NCAM2: variants seen among roughly 807,000 people sequenced by gnomAD.
NCAM2 encodes N-CAM-2.
Under a neutral mutation model 98.1 loss-of-function variants are expected in NCAM2, and 30 were observed. The ratio of observed to expected loss-of-function variants is 0.31; its 90% CI spans 0.23 to 0.41. NCAM2 has a LOEUF of 0.41. Among genes scored for constraint, NCAM2 ranks in the 10% least tolerant of loss-of-function variants. NCAM2 has a pLI of 1.00. For synonymous variants in NCAM2, 368 were observed against 342.4 expected (o/e 1.07, Z -0.83); for missense variants, 867 against 1,005.8 (o/e 0.86, Z 1.87).
At chr21:21,017,441 A>AAAAG (rs1298331107) in intron 1 of NCAM2, among the ~76,000 whole-genome samples, 3 of 150,444 alleles carry the variant, frequency 2.0e-5, no homozygotes, top group African/African-American at 7.3e-5. Flanking sequence ...AAAAAAAAAA[A>AAAAG]AAAAAAAGAA....
chr21:21,305,720 T>A lies in NCAM2; in HGVS notation c.619+13479T>A, dbSNP rs1457739328. ...CTTTTGGTTTTTCTTGATTTTATAT[T>A]TGTTTTTCCTTTTCCTATTTTATCA... On this transcript the variant is annotated intron_variant, in intron 5 of 17. Coordinates refer to ENST00000400546, the MANE Select transcript of NCAM2 (RefSeq NM_004540.5). Among the ~76,000 whole-genome samples the A allele has an allele frequency of 2.0e-5, 3 of 152,116 alleles. No homozygotes were observed. The East Asian group carries it at 5.8e-4, about 29-fold the overall frequency.
intron 5 of NCAM2, among the ~76,000 whole-genome samples, chr21:21,312,750 A>T (rs958241465): frequency 4.0e-5 from 6 of 151,866 alleles, no homozygotes; most frequent in African/African-American, 1.4e-4. Flanking sequence ...GTTGAAAAAC[A>T]TTCCCTCCTC....
At position 21,069,731 on chromosome 21, in the gene NCAM2, A is replaced by T. The variant is rs907931809; in HGVS notation, c.55+71113A>T. On this transcript the variant is annotated intron_variant, in intron 1 of 17. Transcript: ENST00000400546. Reference sequence around the variant, plus strand: ...GTAAAATGAGACATTTCCTAGGGGTAGAGGTACAAAGCTAAAAAAGAAGGA... The same window carrying T: ...GTAAAATGAGACATTTCCTAGGGGTTGAGGTACAAAGCTAAAAAAGAAGGA... Among the ~76,000 whole-genome samples, 2 of 152,162 alleles carry T rather than the reference A, an allele frequency of 1.3e-5. 1 individual carries two copies. The highest frequency in any genetic ancestry group is 1.3e-4 in the Admixed American group (2 of 15,284).
chr21:21,171,580 T>C lies in NCAM2; in HGVS notation c.56-108998T>C, dbSNP rs188684410. Among the ~76,000 whole-genome samples the C allele has an allele frequency of 3.7e-3, 570 of 152,292 alleles. 5 individuals carry two copies. The highest frequency in any genetic ancestry group is 0.013 in the African/African-American group (543 of 41,560). On this transcript the variant is annotated intron_variant, in intron 1 of 17. Transcript: ENST00000400546. The stretch of plus-strand genomic sequence containing the variant: ...GGTTCCCACTTTGCTGTGTTGTTTT[T>C]CTTAACCACCCTTGACTGCCACAGA...
intron 15 of NCAM2, among the ~76,000 whole-genome samples, chr21:21,505,064 C>G (rs887469795): frequency 1.3e-4 from 19 of 151,940 alleles, no homozygotes; most frequent in African/African-American, 4.3e-4. Context: ...CACTTCTATC[C>G]TCTGCAATGA....
intron 16 of NCAM2, among the ~76,000 whole-genome samples, chr21:21,513,958 A>G (rs1236983944): frequency 6.6e-6 from 1 of 151,762 alleles, no homozygotes; most frequent in Admixed American, 6.6e-5. Context: ...TTATTCATCT[A>G]TTTTTACAGT....
intron 1 of NCAM2, among the ~76,000 whole-genome samples, chr21:21,262,658 C>CAAAAAAAAAA (rs33912324): frequency 3.8e-5 from 3 of 78,968 alleles, no homozygotes; most frequent in African/African-American, 5.1e-5. Context: ...AACAATCAGT[C>CAAAAAAAAAA]AAAAAAAAAA....
intron 8 of NCAM2, among the ~76,000 whole-genome samples, chr21:21,363,978 G>C (rs1053734541): frequency 2.6e-5 from 4 of 151,888 alleles, no homozygotes; most frequent in African/African-American, 9.7e-5. Flanking sequence ...AGCTTGATTT[G>C]TATATAGAGT....
intron 1 of NCAM2, among the ~76,000 whole-genome samples, chr21:21,093,418 C>T (rs1223905756): frequency 6.6e-6 from 1 of 152,108 alleles, no homozygotes; most frequent in East Asian, 1.9e-4. Context: ...TGTCTGTGAA[C>T]AGCGAGTCCA....
At chr21:21,210,962 CCCCAAACACACA>C (rs1229444505) in intron 1 of NCAM2, among the ~76,000 whole-genome samples, 23 of 119,760 alleles carry the variant, frequency 1.9e-4, no homozygotes, top group African/African-American at 8.3e-4. Flanking sequence ...CTAATACTCT[CCCCAAACACACA>C]CACACACACA....
intron 1 of NCAM2, among the ~76,000 whole-genome samples, chr21:21,076,116 C>CAA (rs565676221): frequency 0.16 from 19,436 of 121,236 alleles, 1,563 homozygotes; most frequent in African/African-American, 0.19. Flanking sequence ...GACCCCATCT[C>CAA]AAAAAAAAAA....
chr21:21,377,447 A>T (rs2076058573), intron 9 of NCAM2, among the ~76,000 whole-genome samples: 1 of 151,826 alleles, frequency 6.6e-6, no homozygotes, highest in Admixed American at 6.6e-5. Flanking sequence ...TTTTTAATTT[A>T]CTTTATTATC....
At chr21:21,417,297 T>G (rs2077014236) in intron 10 of NCAM2, among the ~76,000 whole-genome samples, 2 of 152,218 alleles carry the variant, frequency 1.3e-5, no homozygotes, top group South Asian at 4.1e-4. Context: ...AAGCTACACA[T>G]AAGGAAAATG....
intron 1 of NCAM2, among the ~76,000 whole-genome samples, chr21:21,039,988 A>G (rs544668938): frequency 6.6e-6 from 1 of 152,304 alleles, no homozygotes; most frequent in South Asian, 2.1e-4. Flanking sequence ...ATTTCATACC[A>G]GTGAGGAGGA....
chr21:21,020,605 T>C (rs1290143579), intron 1 of NCAM2, among the ~76,000 whole-genome samples: 3 of 152,214 alleles, frequency 2.0e-5, no homozygotes, highest in Non-Finnish European at 4.4e-5. Context: ...CAGCTCCCAC[T>C]GATCCAGTCG....
intron 1 of NCAM2, among the ~76,000 whole-genome samples, chr21:21,206,213 A>G (rs1381933746): frequency 6.6e-6 from 1 of 152,178 alleles, no homozygotes; most frequent in Non-Finnish European, 1.5e-5. Flanking sequence ...TTTGTAATAC[A>G]TTAAGTTTCA....
At position 21,016,969 on chromosome 21, in the gene NCAM2, C is replaced by A. The variant is rs569877700; in HGVS notation, c.55+18351C>A. On this transcript the variant is annotated intron_variant, in intron 1 of 17. Transcript: ENST00000400546. Reference sequence around the variant, plus strand: ...ACCAAAATGCATACCCTTGTCTAGTCCTCCAAAAGCTTATGATATAAAAGA... The same window carrying A: ...ACCAAAATGCATACCCTTGTCTAGTACTCCAAAAGCTTATGATATAAAAGA... Among the ~76,000 whole-genome samples the A allele has an allele frequency of 2.7e-4, 41 of 152,080 alleles. No individual in the cohort carries two copies. In the South Asian group the frequency reaches 8.5e-3, roughly 32 times the overall value.
At chr21:21,191,216 GA>G (rs557004584) in intron 1 of NCAM2, among the ~76,000 whole-genome samples, 2 of 152,240 alleles carry the variant, frequency 1.3e-5, no homozygotes, top group Admixed American at 1.3e-4. Flanking sequence ...TTTGCCCTGT[GA>G]AAATAGGTAT....
chr21:21,366,876 A>T (rs17732926), intron 8 of NCAM2, among the ~76,000 whole-genome samples: 2,421 of 152,104 alleles, frequency 0.016, 17 homozygotes, highest in Middle Eastern at 0.031. Flanking sequence ...TTTGTATTAG[A>T]TACCAAAACA....
Sources: allele counts gnomAD v4.1 joint callset (sites outside exome capture counted in the v4.1 genomes callset), GRCh38; gene constraint gnomAD v4.1.1; transcripts MANE v1.5; gene names NCBI Gene and HGNC (gene_info 2026-07-23, HGNC 2026-07-21).